Variants in IL1RAPL1 observed in about 807,000 individuals in gnomAD.
The protein encoded by IL1RAPL1 is interleukin 1 receptor accessory protein like 1, also known as interleukin-1 receptor accessory protein-like 1.
A neutral mutation model predicts 48.4 loss-of-function variants in IL1RAPL1; 3 were observed. That is an observed-to-expected ratio of 0.06 (90% CI 0.03 to 0.16). IL1RAPL1 has a LOEUF of 0.16. Ranked by LOEUF, IL1RAPL1 falls within the 10% of genes least tolerant of loss-of-function variation. The pLI is 1.00. For synonymous variants in IL1RAPL1, 185 were observed against 187.7 expected, an observed-to-expected ratio of 0.99 and a Z score of 0.12; for missense variants, 349 against 530.6, an observed-to-expected ratio of 0.66 and a Z score of 3.36.
intron 5 of IL1RAPL1, among the ~76,000 whole-genome samples, chrX:29,651,781 C>T (rs1925526036): frequency 9.0e-6 from 1 of 111,507 alleles, no homozygotes; most frequent in Admixed American, 9.5e-5. Context: ...GGTGCTTTCA[C>T]CACAAAAATG....
At chrX:28,841,151 T>A (rs3861343) in intron 2 of IL1RAPL1, among the ~76,000 whole-genome samples, 13,163 of 110,674 alleles carry the variant, frequency 0.12, 1,351 homozygotes, top group African/African-American at 0.32. Flanking sequence ...GTCTTTTCCA[T>A]TTTTTATTTT....
chrX:29,238,713 A>T (rs1181734579), intron 2 of IL1RAPL1, among the ~76,000 whole-genome samples: 1 of 112,014 alleles, frequency 8.9e-6, no homozygotes, highest in Non-Finnish European at 1.9e-5. Context: ...GAGGACAGAA[A>T]TATTATTTTA....
intron 2 of IL1RAPL1, among the ~76,000 whole-genome samples, chrX:29,224,818 A>G (rs948115485): frequency 8.9e-6 from 1 of 112,390 alleles, no homozygotes; most frequent in Non-Finnish European, 1.9e-5. Context: ...AAGGCAAGTT[A>G]TCATATGCTA....
At chrX:29,934,592 A>G (rs1018911377) in intron 8 of IL1RAPL1, among the ~76,000 whole-genome samples, 1 of 112,085 alleles carries the variant, frequency 8.9e-6, no homozygotes, top group African/African-American at 3.2e-5. Context: ...ATAAATTTTC[A>G]TATATCTTCT....
chrX:29,601,417 A>G (rs1188420100), intron 5 of IL1RAPL1, among the ~76,000 whole-genome samples: 1 of 112,063 alleles, frequency 8.9e-6, no homozygotes, highest in African/African-American at 3.2e-5. Flanking sequence ...ATAAATTGAA[A>G]TTTGTATACT....
intron 2 of IL1RAPL1, among the ~76,000 whole-genome samples, chrX:28,897,206 G>A (rs113431566): frequency 0.047 from 4,312 of 91,494 alleles, 89 homozygotes; most frequent in East Asian, 0.082. Context: ...GTAGAGACAC[G>A]GAGAGAAGGG....
At chrX:28,784,901 C>A (rs1219814884) in intron 1 of IL1RAPL1, among the ~76,000 whole-genome samples, 3 of 111,544 alleles carry the variant, frequency 2.7e-5, no homozygotes, top group Admixed American at 9.5e-5. Context: ...TTACATATGT[C>A]ATCCAGAATT....
intron 1 of IL1RAPL1, among the ~76,000 whole-genome samples, chrX:28,730,026 G>A (rs1206747135): frequency 8.9e-6 from 1 of 111,732 alleles, no homozygotes; most frequent in Non-Finnish European, 1.9e-5. Context: ...TCTTATGATA[G>A]TTTCTAATAG....
intron 6 of IL1RAPL1, among the ~76,000 whole-genome samples, chrX:29,817,543 T>C (rs1163722219): frequency 9.0e-6 from 1 of 111,513 alleles, no homozygotes; most frequent in Non-Finnish European, 1.9e-5. Context: ...ATGCATATAG[T>C]ACACTTCTGC....
intron 1 of IL1RAPL1, among the ~76,000 whole-genome samples, chrX:28,749,598 T>C (rs1334942301): frequency 1.8e-5 from 2 of 111,999 alleles, no homozygotes; most frequent in African/African-American, 6.5e-5. Flanking sequence ...TTGCCCATTT[T>C]AAAATCAGGT....
chrX:28,930,040 G>T (rs752391757), intron 2 of IL1RAPL1, among the ~76,000 whole-genome samples: 8 of 111,973 alleles, frequency 7.1e-5, no homozygotes, highest in Non-Finnish European at 1.5e-4. Context: ...GTATTCTGTG[G>T]ACAGCTTAGC....
intron 5 of IL1RAPL1, among the ~76,000 whole-genome samples, chrX:29,570,141 G>A (rs1269814134): frequency 2.7e-5 from 3 of 111,710 alleles, no homozygotes; most frequent in African/African-American, 6.5e-5. Flanking sequence ...ACCCATAAGC[G>A]GATGTCAGGA....
intron 2 of IL1RAPL1, among the ~76,000 whole-genome samples, chrX:29,090,721 A>T: frequency 8.9e-6 from 1 of 111,871 alleles, no homozygotes; most frequent in Non-Finnish European, 1.9e-5. Flanking sequence ...TAGTACAAAG[A>T]TTGTGCTTAG....
At chrX:28,683,879 GCTT>G (rs1201740465) in intron 1 of IL1RAPL1, among the ~76,000 whole-genome samples, 2 of 111,930 alleles carry the variant, frequency 1.8e-5, no homozygotes, top group Non-Finnish European at 3.8e-5. Context: ...TGACTCTTCT[GCTT>G]CTCTCTTTCA....
intron 2 of IL1RAPL1, among the ~76,000 whole-genome samples, chrX:28,888,273 CAAA>C (rs1269519254): frequency 9.5e-6 from 1 of 105,077 alleles, no homozygotes; most frequent in Non-Finnish European, 2.0e-5. Context: ...AAAAAAAAAA[CAAA>C]AACATAAAAG....
chrX:29,285,425 G>A (rs761830101), intron 3 of IL1RAPL1, among the ~76,000 whole-genome samples: 5 of 104,056 alleles, frequency 4.8e-5, no homozygotes, highest in South Asian at 4.5e-4. Context: ...CCAGCTACTC[G>A]GGAGGCTGAG....
chrX:29,009,100 A>C (rs1450102572), intron 2 of IL1RAPL1, among the ~76,000 whole-genome samples: 1 of 112,342 alleles, frequency 8.9e-6, no homozygotes, highest in Non-Finnish European at 1.9e-5. Flanking sequence ...GCAGGAACAA[A>C]AAAGCAAATA....
chrX:28,643,283 C>T (rs1470584344), intron 1 of IL1RAPL1, among the ~76,000 whole-genome samples: 6 of 110,998 alleles, frequency 5.4e-5, no homozygotes, highest in East Asian at 2.8e-4. Flanking sequence ...TCTTGCCACA[C>T]GGACCTCCCC....
chrX:29,618,007 C>T (rs1164545664), intron 5 of IL1RAPL1, among the ~76,000 whole-genome samples: 5 of 111,839 alleles, frequency 4.5e-5, no homozygotes, highest in African/African-American at 1.6e-4. Flanking sequence ...AGGAAGAGGC[C>T]TTCTTTTCCC....
Sources: gnomAD v4.1 joint callset for allele counts (sites outside exome capture counted in the v4.1 genomes callset) on GRCh38, gnomAD v4.1.1 for gene constraint, MANE v1.5 for transcripts, NCBI Gene and HGNC (gene_info 2026-07-23, HGNC 2026-07-21) for gene names.